TXNRD2: variants seen among roughly 807,000 people sequenced by gnomAD.
TXNRD2 encodes the protein thioredoxin reductase 2, mitochondrial.
In TXNRD2, 67 loss-of-function variants were observed where a neutral mutation model predicts 70.8. The ratio of observed to expected loss-of-function variants is 0.95; its 90% CI spans 0.78 to 1.16. The LOEUF is 1.16. Ranked by LOEUF, TXNRD2 falls within the 50% of genes most tolerant of loss-of-function variation. The probability of loss-of-function intolerance (pLI) is 0.00; values close to 1 mark genes in which losing one functional copy is unlikely to be tolerated. For synonymous variants in TXNRD2, 301 were observed against 295.8 expected (o/e 1.02, Z -0.18); for missense variants, 644 against 719.9 (o/e 0.89, Z 1.21).
rs542343113 is a variant in TXNRD2, at chr22:19,930,370, C to G, written c.172+660G>C. The stretch of plus-strand genomic sequence containing the variant: ...TATCATTGTGTAGACATGGCCAGAG[C>G]AGACCAGGAACTCCTACAGCAGGGC... On this transcript the variant is annotated intron_variant, in intron 2 of 17. Coordinates refer to ENST00000400521, the MANE Select transcript of TXNRD2 (RefSeq NM_006440.5). 2.6e-5 allele frequency among the ~76,000 whole-genome samples: 4 copies of G among 152,246 alleles called. No homozygotes were observed. In the South Asian group the frequency reaches 8.3e-4, roughly 32 times the overall value.
chr22:19,933,575 G>C, intron 1 of TXNRD2: 2 of 1,224,788 alleles, frequency 1.6e-6, no homozygotes, highest in Non-Finnish European at 2.1e-6. Flanking sequence ...CTTATCTTGG[G>C]CAGCTTGCTC....
At position 19,915,690 on chromosome 22, in the gene TXNRD2, A is replaced by G. The variant is rs1000257634; in HGVS notation, c.528+75T>C. 7 of 1,402,544 alleles carry G rather than the reference A, an allele frequency of 5.0e-6. No individual in the cohort carries two copies. The African/African-American group carries it at 5.7e-5, about 11-fold the overall frequency. The allele number at this position is 1,402,544 out of a possible 1,614,324, so 86.9% of individuals were successfully genotyped here. A position where few individuals can be genotyped will look rare whatever the true frequency, so the allele number is the denominator to read the frequency against. On this transcript the variant is annotated intron_variant, in intron 6 of 17. Coordinates refer to ENST00000400521, the MANE Select transcript of TXNRD2 (RefSeq NM_006440.5). Reference sequence around the variant, plus strand: ...TGTTACTAAGAACAGCACCCAGGCCAAACACAGCTGCAGTTGGTGCCCAAG... The same window carrying G: ...TGTTACTAAGAACAGCACCCAGGCCGAACACAGCTGCAGTTGGTGCCCAAG...
chr22:19,880,415 C>T, intron 13 of TXNRD2, 144 bp from the exon 14 acceptor site: 1 of 939,846 alleles, frequency 1.1e-6, no homozygotes, highest in South Asian at 1.4e-5. Context: ...GACCCACCTG[C>T]CCACGCCTGC....
chr22:19,899,603 G>C (rs746940784), intron 8 of TXNRD2, among the ~76,000 whole-genome samples: 3 of 152,252 alleles, frequency 2.0e-5, no homozygotes, highest in African/African-American at 7.2e-5. Flanking sequence ...AGGGACAAGG[G>C]AGGCAGCACA....
chr22:19,932,627 G>T, intron 1 of TXNRD2: 1 of 1,391,664 alleles, frequency 7.2e-7, no homozygotes, highest in Non-Finnish European at 9.4e-7. Context: ...TCAGTCTGCT[G>T]GGGTGAGGGC....
chr22:19,902,549 G>A (rs897885931), intron 8 of TXNRD2, among the ~76,000 whole-genome samples: 1 of 152,194 alleles, frequency 6.6e-6, no homozygotes, highest in Non-Finnish European at 1.5e-5. Context: ...GATGCCCCAG[G>A]GAGGCAGCAC....
chr22:19,905,018 C>G (rs527846004), intron 8 of TXNRD2, among the ~76,000 whole-genome samples: 1 of 152,324 alleles, frequency 6.6e-6, no homozygotes, highest in East Asian at 1.9e-4. Flanking sequence ...TCAGCCCCAG[C>G]CCAAGCTGAT....
At chr22:19,923,844 C>CTTTTTTTT (rs34120716) in intron 2 of TXNRD2, among the ~76,000 whole-genome samples, 1 of 78,120 alleles carries the variant, frequency 1.3e-5, no homozygotes, top group African/African-American at 5.5e-5. Flanking sequence ...ACCCCTGAGG[C>CTTTTTTTT]TTTTTTTTTT....
rs554063995 is a variant in TXNRD2, at chr22:19,877,181, C to T, written c.1499G>A (p.Cys500Tyr). 4.3e-6 allele frequency: 7 copies of T among 1,611,748 alleles called. No individual in the cohort carries two copies. The highest frequency in any genetic ancestry group is 5.9e-6 in the Non-Finnish European group (7 of 1,178,888). Residue 500 changes from cysteine to tyrosine, a missense_variant, in exon 17 of 18, where the codon TGC becomes TAC. Physicochemically the swap from Cys to Tyr is radical, Grantham distance 194 (BLOSUM62 -2). This residue lies in a region of TXNRD2 where 566 missense variants were observed against 645.0 expected (regional missense o/e 0.88). Coordinates refer to ENST00000400521, the MANE Select transcript of TXNRD2 (RefSeq NM_006440.5). ...GCGCAGCTTGACTACCTCCTCAGAGCATGTGGGATGGATACCCACGGTCCG... is the reference window on the plus strand; with the variant it reads ...GCGCAGCTTGACTACCTCCTCAGAGTATGTGGGATGGATACCCACGGTCCG... ...VMRTVGIHPTCSEEVVKLRIS... is the reference protein window; with the variant it reads ...VMRTVGIHPTYSEEVVKLRIS...
intron 11 of TXNRD2, chr22:19,887,522 G>A (rs1305668359): frequency 6.6e-6 from 1 of 152,270 alleles, no homozygotes; most frequent in Non-Finnish European, 1.5e-5. Context: ...GCCAATTTCT[G>A]TTTGTGTACT....
At chr22:19,913,253 A>G (rs1244776839) in intron 7 of TXNRD2, among the ~76,000 whole-genome samples, 1 of 152,214 alleles carries the variant, frequency 6.6e-6, no homozygotes, top group African/African-American at 2.4e-5. Flanking sequence ...ATGGAAATTA[A>G]CCACAGGCTT....
intron 1 of TXNRD2, among the ~76,000 whole-genome samples, chr22:19,935,146 C>T (rs1019174665): frequency 1.4e-4 from 22 of 152,222 alleles, no homozygotes; most frequent in Non-Finnish European, 1.0e-4. Flanking sequence ...TATAAATGGA[C>T]GTGCAAGTAG....
At position 19,928,418 on chromosome 22, in the gene TXNRD2, C is replaced by T. The variant is rs544739240; in HGVS notation, c.172+2612G>A. Among the ~76,000 whole-genome samples, 37 of 152,224 alleles carry T rather than the reference C, an allele frequency of 2.4e-4. 1 individual carries two copies. In the South Asian group the frequency reaches 7.5e-3, roughly 31 times the overall value. The stretch of plus-strand genomic sequence containing the variant: ...AGCAAGAAACCATCGACACTCGCGC[C>T]AACGAAGATGAGTCTCAAGGTCATT... On this transcript the variant is annotated intron_variant, in intron 2 of 17. Coordinates refer to ENST00000400521, the MANE Select transcript of TXNRD2 (RefSeq NM_006440.5).
chr22:19,905,256 T>C (rs1468378167), intron 8 of TXNRD2, among the ~76,000 whole-genome samples: 1 of 152,238 alleles, frequency 6.6e-6, no homozygotes, highest in African/African-American at 2.4e-5. Context: ...GGGTGACTGA[T>C]ACATTGCAAA....
At chr22:19,919,675 T>A (rs1940814592) in intron 2 of TXNRD2, 76 bp from the exon 3 acceptor site, 1 of 1,328,896 alleles carries the variant, frequency 7.5e-7, no homozygotes, top group African/African-American at 2.2e-5. Flanking sequence ...CCTCAGGGCT[T>A]GTGAGGTCCA....
intron 8 of TXNRD2, among the ~76,000 whole-genome samples, chr22:19,900,009 A>C (rs185361309): frequency 1.3e-5 from 2 of 152,374 alleles, no homozygotes; most frequent in Admixed American, 1.3e-4. Flanking sequence ...TGCTAATCCC[A>C]GCAGGTACTA....
chr22:19,916,141 G>A, intron 5 of TXNRD2: 1 of 397,288 alleles, frequency 2.5e-6, no homozygotes, highest in South Asian at 2.1e-5. Flanking sequence ...TGCAGCAAGA[G>A]GTGGCTGGAC....
chr22:19,877,120 T>G lies in TXNRD2; in HGVS notation c.1560A>C (p.Thr520=), dbSNP rs763666305. 6.3e-7 allele frequency: 1 copy of G among 1,600,000 alleles called. No individual in the cohort carries two copies. Among genetic ancestry groups the G allele is most frequent in the Non-Finnish European group, 8.6e-7 (1 of 1,169,216 alleles). ...GGGATGGCGCTTACCCTCAGCAGCC[T>G]GTCACCGTGGGGTCCAGGCCTGAGC... ...SKRSGLDPTV[T]GCUG Residue 520 remains threonine (T), a synonymous_variant, in exon 17 of 18, where the codon ACA becomes ACC. Transcript: ENST00000400521.
chr22:19,876,923 T>G, intron 17 of TXNRD2, 117 bp downstream of exon 17: 2 of 671,180 alleles, frequency 3.0e-6, no homozygotes, highest in Admixed American at 3.2e-5. Context: ...GGAGCACCCA[T>G]TCTGGGTGGC....
Sources: allele counts gnomAD v4.1 joint callset (sites outside exome capture counted in the v4.1 genomes callset), GRCh38; gene constraint gnomAD v4.1.1; regional missense constraint gnomAD v4.1.1; transcripts MANE v1.5; gene names NCBI Gene and HGNC (gene_info 2026-07-23, HGNC 2026-07-21).